Variants in TLR6 observed in about 807,000 individuals in gnomAD.
The protein encoded by TLR6 is toll-like receptor 6.
In TLR6, 9 loss-of-function variants were observed where a neutral mutation model predicts 16.1. The observed-to-expected ratio is 0.56, with a 90% CI of 0.34 to 0.98. TLR6 has a LOEUF of 0.98. TLR6 is among the 50% of genes least tolerant of loss of function. The pLI, the probability that TLR6 is intolerant of heterozygous loss-of-function variation, is 0.02. For synonymous variants in TLR6, 340 were observed against 338.6 expected, an observed-to-expected ratio of 1.00 and a Z score of -0.04; for missense variants, 786 against 921.0, an observed-to-expected ratio of 0.85 and a Z score of 1.90.
chr4:38,854,761 C>T (rs527469552), intron 1 of TLR6, among the ~76,000 whole-genome samples: 3 of 151,794 alleles, frequency 2.0e-5, no homozygotes, highest in African/African-American at 7.3e-5. Context: ...AAATAACACA[C>T]AGAAGATATG....
upstream of TLR6, among the ~76,000 whole-genome samples, chr4:38,859,464 C>T (rs1456430089): frequency 1.3e-5 from 2 of 151,554 alleles, no homozygotes; most frequent in African/African-American, 4.9e-5. Context: ...CAAGGGTCTA[C>T]ATACATATGT....
chr4:38,862,054 C>T, the TLR6 span, among the ~76,000 whole-genome samples: 1 of 152,238 alleles, frequency 6.6e-6, no homozygotes, highest in Middle Eastern at 3.4e-3. Flanking sequence ...ATAGATGCTA[C>T]CAGAGGAGCA....
At chr4:38,851,817 T>C (rs1039837693) in intron 1 of TLR6, among the ~76,000 whole-genome samples, 47 of 152,314 alleles carry the variant, frequency 3.1e-4, no homozygotes, top group African/African-American at 9.9e-4. Flanking sequence ...AAGTAATTTA[T>C]AGATTCAATG....
In TLR6 at chr4:38,855,825, G is replaced by A. The variant is rs375857722; in HGVS notation, c.-65+936C>T. On this transcript the variant is annotated intron_variant, in intron 1 of 1. Transcript: ENST00000436693. ...AAAGGAGGGAAAAATGGGAAGATGAGAGTGGAAGATTAGAGAGTTCACAGT... is the reference window on the plus strand; with the variant it reads ...AAAGGAGGGAAAAATGGGAAGATGAAAGTGGAAGATTAGAGAGTTCACAGT... Among the ~76,000 whole-genome samples, 152 of 152,148 alleles carry A rather than the reference G, an allele frequency of 1.0e-3. 4 individuals carry two copies. In the South Asian group the frequency reaches 0.03, roughly 30 times the overall value.
rs1302954953 is a variant in TLR6 at position 38,842,259 on chromosome 4, G to T, written c.-64-12722C>A. On this transcript the variant is annotated intron_variant, in intron 1 of 1. Coordinates refer to ENST00000436693, the Ensembl canonical transcript of TLR6. ...GAATATGAGAGGGATCAATCCTTTTGGGAGGGCAGATGAGGACTGGAATGA... is the reference window on the plus strand; with the variant it reads ...GAATATGAGAGGGATCAATCCTTTTTGGAGGGCAGATGAGGACTGGAATGA... 2.0e-5 allele frequency among the ~76,000 whole-genome samples: 3 copies of T among 152,272 alleles called. No homozygotes were observed. In the East Asian group the frequency reaches 5.8e-4, roughly 29 times the overall value.
At chr4:38,838,660 T>C (rs938541519) in intron 1 of TLR6, among the ~76,000 whole-genome samples, 1 of 152,114 alleles carries the variant, frequency 6.6e-6, no homozygotes, top group Non-Finnish European at 1.5e-5. Context: ...GAAAAAGTTC[T>C]AGTGTTCAAT....
chr4:38,827,432 C>A (rs1272436174), exon 2 of TLR6: 7 of 1,614,060 alleles, frequency 4.3e-6, no homozygotes, highest in Non-Finnish European at 5.9e-6. Context: ...AATGCTCTTG[C>A]CAGGGACAAA....
At chr4:38,835,554 A>G (rs550327638) in intron 1 of TLR6, among the ~76,000 whole-genome samples, 1 of 152,324 alleles carries the variant, frequency 6.6e-6, no homozygotes, top group East Asian at 1.9e-4. Flanking sequence ...TCAGCATTGA[A>G]CAGATCATTT....
upstream of TLR6, among the ~76,000 whole-genome samples, chr4:38,857,217 T>C (rs1713022565): frequency 6.6e-6 from 1 of 152,192 alleles, no homozygotes. Context: ...TTTAGCTGGA[T>C]GAGATAGTTT....
At chr4:38,828,356 C>T in exon 2 of TLR6, 1 of 1,613,222 alleles carries the variant, frequency 6.2e-7, no homozygotes, top group South Asian at 1.1e-5. Flanking sequence ...TAACGTGGAA[C>T]ATTTTTCAAA....
the TLR6 span, among the ~76,000 whole-genome samples, chr4:38,864,836 A>C: frequency 3.5e-3 from 528 of 152,218 alleles, 2 homozygotes; most frequent in Non-Finnish European, 5.3e-3. Context: ...ACACAGCAAG[A>C]CCACGACTCT....
chr4:38,855,006 G>A (rs1008833061), intron 1 of TLR6, among the ~76,000 whole-genome samples: 7 of 152,074 alleles, frequency 4.6e-5, no homozygotes, highest in Admixed American at 1.3e-4. Flanking sequence ...TCAGGAGATC[G>A]AGACCATCCT....
upstream of TLR6, among the ~76,000 whole-genome samples, chr4:38,859,125 G>A (rs1171069949): frequency 1.3e-5 from 2 of 152,186 alleles, no homozygotes; most frequent in Non-Finnish European, 2.9e-5. Context: ...AGTGGTGGGG[G>A]TGGGATTCGA....
intron 1 of TLR6, among the ~76,000 whole-genome samples, chr4:38,834,996 T>G (rs1266692898): frequency 6.6e-6 from 1 of 152,078 alleles, no homozygotes; most frequent in Non-Finnish European, 1.5e-5. Context: ...AGAAAAGAGT[T>G]GAAGTTACTA....
chr4:38,839,590 A>G (rs373572820), intron 1 of TLR6, among the ~76,000 whole-genome samples: 306 of 152,318 alleles, frequency 2.0e-3, no homozygotes, highest in African/African-American at 7.3e-3. Context: ...TGCTGCAACC[A>G]GTGACCCTTC....
the TLR6 span, among the ~76,000 whole-genome samples, chr4:38,862,112 C>A: frequency 6.6e-6 from 1 of 152,304 alleles, no homozygotes; most frequent in South Asian, 2.1e-4. Context: ...TGCATGAGTT[C>A]TACCTGAACT....
chr4:38,858,831 G>A (rs1713114149), upstream of TLR6, among the ~76,000 whole-genome samples: 3 of 51,960 alleles, frequency 5.8e-5, no homozygotes, highest in African/African-American at 2.5e-4. Flanking sequence ...GAGAGAGAGA[G>A]GAAGAAAGAA....
At chr4:38,845,144 AAAT>A (rs1278782940) in intron 1 of TLR6, among the ~76,000 whole-genome samples, 2 of 152,204 alleles carry the variant, frequency 1.3e-5, no homozygotes, top group Non-Finnish European at 2.9e-5. Flanking sequence ...TGAAATGACC[AAAT>A]ATTTTGAAAA....
At chr4:38,828,418 T>G (rs758649276) in exon 2 of TLR6, 1 of 1,613,826 alleles carries the variant, frequency 6.2e-7, no homozygotes, top group Non-Finnish European at 8.5e-7. Flanking sequence ...TGAATGTGCT[T>G]GGTGCATGAG....
Sources: allele counts gnomAD v4.1 joint callset (sites outside exome capture counted in the v4.1 genomes callset), GRCh38; gene constraint gnomAD v4.1.1; transcripts MANE v1.5; gene names NCBI Gene and HGNC (gene_info 2026-07-23, HGNC 2026-07-21).